The following NOL11 variants were observed in gnomAD, a reference collection of about 807,000 sequenced individuals.
NOL11 encodes the protein nucleolar protein 11.
In NOL11, 42 loss-of-function variants were observed where a neutral mutation model predicts 93.0. That is an observed-to-expected ratio of 0.45 (90% CI 0.35 to 0.58). The LOEUF is 0.58. Ranked by LOEUF, NOL11 falls within the 20% of genes least tolerant of loss-of-function variation. NOL11 has a pLI of 0.00. For missense variants in NOL11, 775 were observed against 841.8 expected (o/e 0.92, Z 0.98); for synonymous variants, 296 against 293.7 (o/e 1.01, Z -0.08).
At chr17:67,719,992 T>C (rs2043205778) in intron 3 of NOL11, 30 bp downstream of exon 3, 3 of 1,524,422 alleles carry the variant, frequency 2.0e-6, no homozygotes, top group Non-Finnish European at 2.7e-6. Context: ...AACATATTTG[T>C]TTAGCTTATT....
At position 67,737,015 on chromosome 17, in the gene NOL11, T is replaced by G; in HGVS notation, c.1144-56T>G. On this transcript the variant is annotated intron_variant, in intron 10 of 17. Coordinates refer to ENST00000253247, the MANE Select transcript of NOL11 (RefSeq NM_015462.5). ...TTGGAGTGTTTCATATCCCTCTAAA[T>G]GTGTATTGGATCTCTTATATTGTTT... The G allele has an allele frequency of 2.6e-6, 3 of 1,133,834 alleles. No individual in the cohort carries two copies. In the South Asian group the frequency reaches 3.8e-5, roughly 14 times the overall value. 70.2% of individuals were successfully genotyped at this position (1,133,834 alleles called of 1,614,324 possible).
intron 16 of NOL11, among the ~76,000 whole-genome samples, chr17:67,742,269 C>G (rs1227551402): frequency 2.0e-5 from 3 of 152,176 alleles, no homozygotes; most frequent in Admixed American, 6.5e-5. Context: ...GGTGTTACCT[C>G]ATTTTAATTT....
chr17:67,726,834 T>C, intron 7 of NOL11, 186 bp downstream of exon 7: 1 of 475,722 alleles, frequency 2.1e-6, no homozygotes, highest in South Asian at 4.0e-5. Context: ...TTTGCATTGA[T>C]CTTTCAAAAA....
intron 5 of NOL11, 42 bp downstream of exon 5, chr17:67,722,679 CT>C (rs749759609): frequency 5.8e-5 from 82 of 1,418,976 alleles, no homozygotes; most frequent in Admixed American, 2.0e-4. Context: ...TGTGAAATTT[CT>C]TTAAAAAAAA....
At chr17:67,730,539 C>T (rs569367871) in intron 7 of NOL11, among the ~76,000 whole-genome samples, 226 of 152,318 alleles carry the variant, frequency 1.5e-3, no homozygotes, top group Non-Finnish European at 2.3e-3. Flanking sequence ...GGATTACAGG[C>T]GTGAGCCACT....
At chr17:67,734,063 G>A (rs1035786113) in intron 7 of NOL11, among the ~76,000 whole-genome samples, 1 of 151,908 alleles carries the variant, frequency 6.6e-6, no homozygotes, top group Non-Finnish European at 1.5e-5. Flanking sequence ...GAAGATTTGT[G>A]TTAAATTGTA....
intron 7 of NOL11, among the ~76,000 whole-genome samples, chr17:67,727,918 CAAAAAAAAAA>C (rs57241605): frequency 4.4e-5 from 5 of 112,594 alleles, no homozygotes; most frequent in Admixed American, 2.8e-4. Flanking sequence ...GACTTTGTCT[CAAAAAAAAAA>C]AAAAAAAAAA....
rs1490712620 is a variant in NOL11, at chr17:67,738,115, A to G, written c.1530-7A>G. The G allele has an allele frequency of 1.3e-6, 2 of 1,595,952 alleles. No homozygotes were observed. The highest frequency in any genetic ancestry group is 4.5e-5 in the East Asian group (2 of 44,722). ...GATTAACCTCTTGCTTTCAACTACC[A>G]TCATAGCATTGGTGATGACAGTCTT... On this transcript the variant is annotated splice_polypyrimidine_tract_variant and splice_region_variant and intron_variant, in intron 13 of 17. Transcript: ENST00000253247.
chr17:67,740,106 G>A (rs960762384), intron 16 of NOL11, among the ~76,000 whole-genome samples: 4 of 151,954 alleles, frequency 2.6e-5, no homozygotes, highest in Non-Finnish European at 5.9e-5. Context: ...ATAGTGGTGC[G>A]TGCCTGTAAT....
chr17:67,720,904 C>T (rs914787162), intron 3 of NOL11, among the ~76,000 whole-genome samples: 1 of 152,200 alleles, frequency 6.6e-6, no homozygotes, highest in Non-Finnish European at 1.5e-5. Flanking sequence ...TTTTCATTTA[C>T]CTTGAAATTC....
intron 6 of NOL11, among the ~76,000 whole-genome samples, chr17:67,724,953 G>C (rs1205057200): frequency 2.6e-5 from 4 of 152,166 alleles, no homozygotes; most frequent in Non-Finnish European, 5.9e-5. Flanking sequence ...AGCTACTCTG[G>C]AGGCTGAGGC....
At chr17:67,723,346 C>T (rs1599035950) in intron 5 of NOL11, among the ~76,000 whole-genome samples, 1 of 126,822 alleles carries the variant, frequency 7.9e-6, no homozygotes, top group Non-Finnish European at 1.7e-5. Context: ...AATGTGACTT[C>T]GTTATTCTCT....
At chr17:67,728,242 A>T (rs1381225646) in intron 7 of NOL11, among the ~76,000 whole-genome samples, 1 of 152,246 alleles carries the variant, frequency 6.6e-6, no homozygotes, top group African/African-American at 2.4e-5. Context: ...CCTGGGGGAC[A>T]GAGCAAGACT....
chr17:67,721,260 C>T (rs1414693485), intron 3 of NOL11, 118 bp from the exon 4 acceptor site: 2 of 621,706 alleles, frequency 3.2e-6, no homozygotes, highest in East Asian at 6.0e-5. Flanking sequence ...AATTATAAAG[C>T]AAAATTAATT....
At chr17:67,721,039 C>T (rs1391294141) in intron 3 of NOL11, among the ~76,000 whole-genome samples, 1 of 152,172 alleles carries the variant, frequency 6.6e-6, no homozygotes, top group African/African-American at 2.4e-5. Flanking sequence ...TTATCTAACA[C>T]CAGAATTGCA....
chr17:67,736,879 G>A, intron 10 of NOL11, 125 bp downstream of exon 10: 1 of 801,504 alleles, frequency 1.2e-6, no homozygotes, highest in Non-Finnish European at 2.0e-6. Context: ...AGGACAGTTT[G>A]CGGCTTGAAC....
At chr17:67,729,875 G>A (rs1180331946) in intron 7 of NOL11, among the ~76,000 whole-genome samples, 6 of 152,062 alleles carry the variant, frequency 3.9e-5, no homozygotes, top group East Asian at 3.9e-4. Context: ...CACCGCGCCC[G>A]GCCCATCATA....
rs747008257 is a variant in NOL11 at position 67,718,104 on chromosome 17, T to C, written c.141+16T>C. 2 of 1,607,578 alleles carry C rather than the reference T, an allele frequency of 1.2e-6. No homozygotes were observed. Among genetic ancestry groups the C allele is most frequent in the South Asian group, 2.2e-5 (2 of 90,668 alleles). ...CCTCTATAAGGTGAAGGCAATAGGT[T>C]TGGGAGCGCCCCGACTGCCTTCTCG... is the stretch of plus-strand genomic sequence containing the variant. On this transcript the variant is annotated intron_variant, in intron 1 of 17. Transcript: ENST00000253247.
chr17:67,720,157 A>G (rs2143075401), intron 3 of NOL11, among the ~76,000 whole-genome samples, 195 bp downstream of exon 3: 1 of 152,282 alleles, frequency 6.6e-6, no homozygotes, highest in African/African-American at 2.4e-5. Flanking sequence ...GGATTTATAT[A>G]ATTGATGAAT....
Sources: gnomAD v4.1 joint callset for allele counts (sites outside exome capture counted in the v4.1 genomes callset) on GRCh38, gnomAD v4.1.1 for gene constraint, MANE v1.5 for transcripts, NCBI Gene and HGNC (gene_info 2026-07-23, HGNC 2026-07-21) for gene names.